Variants in GRID1 observed in about 807,000 individuals in gnomAD.
GRID1 encodes the protein glutamate receptor ionotropic, delta-1.
In GRID1, 28 loss-of-function variants were observed where a neutral mutation model predicts 98.0. The observed-to-expected ratio is 0.29, with a 90% CI of 0.21 to 0.39. The LOEUF is 0.39. Ranked by LOEUF, GRID1 falls within the 10% of genes least tolerant of loss-of-function variation. The pLI, the probability that GRID1 is intolerant of heterozygous loss-of-function variation, is 1.00. For missense variants in GRID1, 1,111 were observed against 1,340.5 expected, an observed-to-expected ratio of 0.83 and a Z score of 2.67; for synonymous variants, 553 against 538.5, an observed-to-expected ratio of 1.03 and a Z score of -0.37.
intron 2 of GRID1, among the ~76,000 whole-genome samples, chr10:86,227,890 T>C (rs1846379944): frequency 6.6e-6 from 1 of 152,130 alleles, no homozygotes; most frequent in African/African-American, 2.4e-5. Flanking sequence ...TGACACATGG[T>C]AGATACATAG....
intron 3 of GRID1, among the ~76,000 whole-genome samples, chr10:86,153,333 T>C (rs747425156): frequency 5.9e-5 from 9 of 152,244 alleles, no homozygotes; most frequent in Admixed American, 1.3e-4. Context: ...CCAGAGCCTA[T>C]TGTTAAATTT....
chr10:86,283,173 T>G (rs1397373912), intron 2 of GRID1, among the ~76,000 whole-genome samples: 2 of 152,162 alleles, frequency 1.3e-5, no homozygotes, highest in African/African-American at 4.8e-5. Flanking sequence ...TCCAAGGCTC[T>G]GCTTTGGCAC....
chr10:85,821,628 C>A (rs1842773887), intron 8 of GRID1, among the ~76,000 whole-genome samples: 2 of 150,434 alleles, frequency 1.3e-5, no homozygotes, highest in Non-Finnish European at 2.9e-5. Context: ...TGAGGGTGAT[C>A]CAAATAATTG....
Position 85,915,216 on chromosome 10 carries a change from G to A in GRID1, c.780+970C>T, listed in dbSNP as rs376574714. Among the ~76,000 whole-genome samples, 34 of 151,862 alleles carry A rather than the reference G, an allele frequency of 2.2e-4. No individual in the cohort carries two copies. The South Asian group carries it at 5.6e-3, about 25-fold the overall frequency. ...CACACACAAACATACTTACACACAC[G>A]CATGCACACACAAACACACATGCAC... On this transcript the variant is annotated intron_variant, in intron 5 of 15. Transcript: ENST00000327946.
intron 2 of GRID1, among the ~76,000 whole-genome samples, chr10:86,255,126 C>T (rs996949341): frequency 6.6e-6 from 1 of 152,230 alleles, no homozygotes; most frequent in Non-Finnish European, 1.5e-5. Flanking sequence ...ACACCCTTGT[C>T]CCCCACTCCC....
intron 3 of GRID1, among the ~76,000 whole-genome samples, chr10:86,160,075 G>A (rs1845300510): frequency 6.6e-6 from 1 of 151,896 alleles, no homozygotes; most frequent in South Asian, 2.1e-4. Context: ...TCATCATCGT[G>A]TGAGCCAAAG....
At chr10:86,277,740 A>C (rs1388922265) in intron 2 of GRID1, among the ~76,000 whole-genome samples, 1 of 152,006 alleles carries the variant, frequency 6.6e-6, no homozygotes, top group Non-Finnish European at 1.5e-5. Flanking sequence ...TTTCACTACC[A>C]AAAAAAATCA....
chr10:85,819,962 A>T (rs1842747906), intron 8 of GRID1, among the ~76,000 whole-genome samples: 1 of 141,992 alleles, frequency 7.0e-6, no homozygotes, highest in Non-Finnish European at 1.5e-5. Flanking sequence ...AGGGAGAGAA[A>T]GAGAGAGGAA....
intron 3 of GRID1, among the ~76,000 whole-genome samples, chr10:86,175,397 T>C (rs1845561127): frequency 6.6e-6 from 1 of 151,350 alleles, no homozygotes; most frequent in Non-Finnish European, 1.5e-5. Flanking sequence ...TCTGTCTTTA[T>C]AAAAACATCT....
At chr10:85,671,406 T>C (rs1414038009) in intron 12 of GRID1, among the ~76,000 whole-genome samples, 5 of 152,314 alleles carry the variant, frequency 3.3e-5, no homozygotes, top group Admixed American at 6.5e-5. Flanking sequence ...ATTATATCTG[T>C]TACAGTGATC....
At chr10:86,284,841 G>A (rs1026098058) in intron 2 of GRID1, among the ~76,000 whole-genome samples, 1 of 152,210 alleles carries the variant, frequency 6.6e-6, no homozygotes, top group African/African-American at 2.4e-5. Flanking sequence ...TGGGCAGTGG[G>A]CACTGTGGTA....
rs1407844950 is a variant in GRID1, at chr10:86,040,759, A to G, written c.726+98060T>C. ...AGAGAGAATTTTGAATGTTCCCACA[A>G]CAAAGAAATGACCAATGTTTAAGGT... On this transcript the variant is annotated intron_variant, in intron 4 of 15. Coordinates refer to ENST00000327946, the MANE Select transcript of GRID1 (RefSeq NM_017551.3). Among the ~76,000 whole-genome samples the G allele has an allele frequency of 2.0e-5, 3 of 152,242 alleles. 1 individual carries two copies. Among genetic ancestry groups the G allele is most frequent in the Non-Finnish European group, 1.5e-5 (1 of 68,040 alleles).
At chr10:85,813,574 C>A (rs1424777769) in intron 8 of GRID1, among the ~76,000 whole-genome samples, 1 of 151,520 alleles carries the variant, frequency 6.6e-6, no homozygotes, top group African/African-American at 2.4e-5. Flanking sequence ...AGAAGTTTTA[C>A]AGCAGGCCTA....
intron 4 of GRID1, among the ~76,000 whole-genome samples, chr10:86,079,160 A>G (rs1299387695): frequency 6.6e-6 from 1 of 152,212 alleles, no homozygotes; most frequent in Middle Eastern, 3.2e-3. Flanking sequence ...ATGGGGCCCA[A>G]CACTTCCAGG....
chr10:85,732,531 A>G (rs11201756), intron 8 of GRID1, among the ~76,000 whole-genome samples: 241 of 152,292 alleles, frequency 1.6e-3, no homozygotes, highest in African/African-American at 5.2e-3. Flanking sequence ...GGATGGAGGC[A>G]GGAAGAAACA....
chr10:85,772,770 T>C (rs569914867), intron 8 of GRID1, among the ~76,000 whole-genome samples: 103 of 152,006 alleles, frequency 6.8e-4, no homozygotes, highest in African/African-American at 2.2e-3. Flanking sequence ...AAGACTAAAC[T>C]AGGAAGAAGT....
intron 2 of GRID1, among the ~76,000 whole-genome samples, chr10:86,302,642 T>C (rs994108119): frequency 6.6e-6 from 1 of 152,162 alleles, no homozygotes; most frequent in African/African-American, 2.4e-5. Flanking sequence ...AACTTCCAGC[T>C]TGCAGGCAAT....
chr10:86,032,003 T>A (rs1817707466), intron 4 of GRID1, among the ~76,000 whole-genome samples: 1 of 152,088 alleles, frequency 6.6e-6, no homozygotes, highest in Non-Finnish European at 1.5e-5. Flanking sequence ...CTCCCCACCT[T>A]TCTGTAATAT....
intron 2 of GRID1, among the ~76,000 whole-genome samples, chr10:86,268,167 T>C (rs915611600): frequency 6.6e-6 from 1 of 152,218 alleles, no homozygotes; most frequent in Non-Finnish European, 1.5e-5. Flanking sequence ...TCACCACTGA[T>C]GGGAGCTTTC....
Sources: allele counts gnomAD v4.1 joint callset (sites outside exome capture counted in the v4.1 genomes callset), GRCh38; gene constraint gnomAD v4.1.1; transcripts MANE v1.5; gene names NCBI Gene and HGNC (gene_info 2026-07-23, HGNC 2026-07-21).